SLC45A1: variants seen among roughly 807,000 people sequenced by gnomAD.
SLC45A1 encodes the protein proton-associated sugar transporter A.
Under a neutral mutation model 57.6 loss-of-function variants are expected in SLC45A1, and 28 were observed. That is an observed-to-expected ratio of 0.49 (90% CI 0.36 to 0.67). SLC45A1 has a LOEUF of 0.67. SLC45A1 is among the 30% of genes least tolerant of loss of function. The pLI is 0.00. For missense variants in SLC45A1, 814 were observed against 1,041.5 expected, an observed-to-expected ratio of 0.78 and a Z score of 3.01; for synonymous variants, 459 against 471.5, an observed-to-expected ratio of 0.97 and a Z score of 0.34.
Position 8,340,596 on chromosome 1 carries a change from T to G in SLC45A1, c.1980+898T>G, listed in dbSNP as rs78321099. ...TGACTAGACGTTTCTTGCCCTCTGG[T>G]CTCAGATTTCTCTTGGCTTTTATTC... On this transcript the variant is annotated intron_variant, in intron 8 of 8. Transcript: ENST00000471889. Among the ~76,000 whole-genome samples the G allele has an allele frequency of 3.0e-3, 458 of 152,340 alleles. 4 individuals are homozygous for G. Among genetic ancestry groups the G allele is most frequent in the African/African-American group, 0.011 (441 of 41,588 alleles).
Position 8,330,415 on chromosome 1 carries a change from C to T in SLC45A1, c.922C>T (p.Leu308Phe). The T allele has an allele frequency of 6.2e-7, 1 of 1,611,756 alleles. No individual in the cohort carries two copies. Among genetic ancestry groups the T allele is most frequent in the Non-Finnish European group, 8.5e-7 (1 of 1,179,224 alleles). Residue 308 changes from leucine to phenylalanine, a missense_variant, in exon 5 of 9, where the codon CTC becomes TTC. Coordinates refer to ENST00000471889, the MANE Select transcript of SLC45A1 (RefSeq NM_001080397.3). The surrounding 1 kb of genome is among the most constrained non-coding windows in gnomAD (Gnocchi z 8.4). ...GCGGGCAGCCATGAAGAGCCCCAGC[C>T]TCCCGCTGCCCCCGTCCCCACCCGT... Reference protein sequence around the residue: ...EKRAAMKSPSLPLPPSPPVLP... With the variant: ...EKRAAMKSPSFPLPPSPPVLP...
chr1:8,319,259 G>A (rs1025850046), intron 1 of SLC45A1, among the ~76,000 whole-genome samples: 4 of 152,238 alleles, frequency 2.6e-5, no homozygotes, highest in African/African-American at 9.6e-5. Flanking sequence ...TAGTCTGGGC[G>A]ATAGAGTGAG....
In SLC45A1 at chr1:8,344,145, A is replaced by G; in HGVS notation, c.*132A>G. The G allele has an allele frequency of 2.3e-6, 2 of 867,770 alleles. No homozygotes were observed. The highest frequency in any genetic ancestry group is 3.4e-6 in the Non-Finnish European group (2 of 594,876). The allele number at this position is 867,770 out of a possible 1,614,324, so 53.8% of individuals were successfully genotyped here. On this transcript the variant is annotated 3_prime_UTR_variant, in exon 9 of 9. Coordinates refer to ENST00000471889, the MANE Select transcript of SLC45A1 (RefSeq NM_001080397.3). ...TGGAATGTAAATATGTGATAAAATA[A>G]TAAATGACAGCGGCAAAGCCTATGG...
At position 8,330,422 on chromosome 1, in the gene SLC45A1, T is replaced by A; in HGVS notation, c.929T>A (p.Leu310Gln). 6.2e-7 allele frequency: 1 copy of A among 1,611,536 alleles called. No individual in the cohort carries two copies. The highest frequency in any genetic ancestry group is 1.1e-5 in the South Asian group (1 of 90,988). The change falls in exon 5 of 9, where the codon CTG (leucine) becomes CAG (glutamine). Residue 310 changes from leucine (L) to glutamine (Q), a missense_variant. Transcript: ENST00000471889. This position sits in a 1 kb window ranked among gnomAD's most constrained non-coding sequence, Gnocchi z 8.4. ...RAAMKSPSLP[L>Q]PPSPPVLPEE... Reference sequence around the variant, plus strand: ...GCCATGAAGAGCCCCAGCCTCCCGCTGCCCCCGTCCCCACCCGTCCTGCCA... The same window carrying A: ...GCCATGAAGAGCCCCAGCCTCCCGCAGCCCCCGTCCCCACCCGTCCTGCCA...
chr1:8,329,750 G>A (rs988652139), intron 4 of SLC45A1, among the ~76,000 whole-genome samples: 13 of 152,230 alleles, frequency 8.5e-5, no homozygotes, highest in African/African-American at 3.1e-4. Flanking sequence ...TCACCACAGG[G>A]GGCGGCTCTC....
Position 8,324,509 on chromosome 1 carries a change from A to AAAC in SLC45A1, c.180_181insAAC (p.Pro60_Pro61insAsn). On this transcript the variant is annotated inframe_insertion, in exon 2 of 9. Coordinates refer to ENST00000471889, the MANE Select transcript of SLC45A1 (RefSeq NM_001080397.3). ...GGAGGAAGTGCATTCGTCCCTCCCC[A>AAAC]CCCCCGCCCCCCAACACCCCGTGCC... 1 of 929,570 alleles carries AAAC rather than the reference A, an allele frequency of 1.1e-6. No homozygotes were observed. Among genetic ancestry groups the AAAC allele is most frequent in the Non-Finnish European group, 1.5e-6 (1 of 655,128 alleles). 57.6% of individuals were successfully genotyped at this position (929,570 alleles called of 1,614,324 possible). A position where few individuals can be genotyped will look rare whatever the true frequency, so the allele number is the denominator to read the frequency against.
rs150269149 is a variant in SLC45A1, at chr1:8,330,565, C to G, written c.1072C>G (p.Leu358Val). ...YGSFISRDSS[L>V]TGISEFASSF... is the part of the protein sequence containing the mutation. Reference sequence around the variant, plus strand: ...CAGCTTCATCAGCAGGGACAGCTCCCTGACGGGCATCAGCGAGTTCGCCTC... The same window carrying G: ...CAGCTTCATCAGCAGGGACAGCTCCGTGACGGGCATCAGCGAGTTCGCCTC... The change falls in exon 5 of 9, where the codon CTG (leucine) becomes GTG (valine). Residue 358 changes from leucine to valine, a missense_variant. Physicochemically the swap from Leu to Val is conservative, Grantham distance 32. Transcript: ENST00000471889. This position sits in a 1 kb window ranked among gnomAD's most constrained non-coding sequence, Gnocchi z 8.4. The G allele has an allele frequency of 1.2e-6, 2 of 1,613,440 alleles. No individual in the cohort carries two copies. Among genetic ancestry groups the G allele is most frequent in the Non-Finnish European group, 1.7e-6 (2 of 1,179,996 alleles).
rs745807592 is a variant in SLC45A1, at chr1:8,325,940, T to G, written c.613T>G (p.Phe205Val). 3 of 1,613,696 alleles carry G rather than the reference T, an allele frequency of 1.9e-6. No individual in the cohort carries two copies. The highest frequency in any genetic ancestry group is 2.5e-6 in the Non-Finnish European group (3 of 1,180,032). The change falls in exon 4 of 9, where the codon TTT becomes GTT. Residue 205 changes from phenylalanine (F) to valine (V), a missense_variant. Transcript: ENST00000471889. This position sits in a 1 kb window ranked among gnomAD's most constrained non-coding sequence, Gnocchi z 6.3. Reference sequence around the variant, plus strand: ...CGTGTGCGGTGTGGTGCTGATGGACTTTAGCGCCGACTCGGCGGACAACCC... The same window carrying G: ...CGTGTGCGGTGTGGTGCTGATGGACGTTAGCGCCGACTCGGCGGACAACCC... The part of the protein sequence containing the change: ...LTVCGVVLMD[F>V]SADSADNPSH...
chr1:8,323,159 C>T (rs923482427), intron 1 of SLC45A1, among the ~76,000 whole-genome samples: 2 of 152,236 alleles, frequency 1.3e-5, no homozygotes, highest in South Asian at 4.1e-4. Flanking sequence ...TGAACTTGCT[C>T]TCTCCTTACC....
intron 8 of SLC45A1, among the ~76,000 whole-genome samples, chr1:8,342,444 C>G (rs1012085938): frequency 6.6e-6 from 1 of 152,178 alleles, no homozygotes; most frequent in Admixed American, 6.5e-5. Flanking sequence ...CCCACTCTCC[C>G]AGGCCTAGGT....
In SLC45A1 at chr1:8,335,898, C is replaced by T. The variant is rs1640595457; in HGVS notation, c.1597+308C>T. 6.6e-6 allele frequency among the ~76,000 whole-genome samples: 1 copy of T among 152,212 alleles called. No homozygotes were observed. The highest frequency in any genetic ancestry group is 1.5e-5 in the Non-Finnish European group (1 of 68,042). On this transcript the variant is annotated intron_variant, in intron 6 of 8. Transcript: ENST00000471889. This position sits in a 1 kb window ranked among gnomAD's most constrained non-coding sequence, Gnocchi z 4.1. Reference sequence around the variant, plus strand: ...TCACTACCAGAAGCCCTTTGGACAACTCCACAGTGAAATGATGGACCCACA... The same window carrying T: ...TCACTACCAGAAGCCCTTTGGACAATTCCACAGTGAAATGATGGACCCACA...
At position 8,343,695 on chromosome 1, in the gene SLC45A1, C is replaced by A. The variant is rs368498989; in HGVS notation, c.1981-52C>A. 6.4e-5 allele frequency: 101 copies of A among 1,568,334 alleles called. No homozygotes were observed. Among genetic ancestry groups the A allele is most frequent in the Non-Finnish European group, 8.4e-5 (97 of 1,153,686 alleles). ...TCGCAGGACACACCGAGCTCGGTCACCCCGTGCTGGCCGCGGCGTGTCTCG... is the reference window on the plus strand; with the variant it reads ...TCGCAGGACACACCGAGCTCGGTCAACCCGTGCTGGCCGCGGCGTGTCTCG... On this transcript the variant is annotated intron_variant, in intron 8 of 8. Transcript: ENST00000471889. The surrounding 1 kb of genome is among the most constrained non-coding windows in gnomAD (Gnocchi z 7.7).
chr1:8,330,243 A>G lies in SLC45A1; in HGVS notation c.750A>G (p.Gly250=), dbSNP rs779136241. Reference sequence around the variant, plus strand: ...GAGGCTTTGGATACGTGGTCGGCGGAATCCACTGGGATAAAACGGGCTTCG... The same window carrying G: ...GAGGCTTTGGATACGTGGTCGGCGGGATCCACTGGGATAAAACGGGCTTCG... ...LGGGFGYVVG[G]IHWDKTGFGR... The change falls in exon 5 of 9, where the codon GGA becomes GGG. Residue 250 remains glycine, a synonymous_variant. Coordinates refer to ENST00000471889, the MANE Select transcript of SLC45A1 (RefSeq NM_001080397.3). The surrounding 1 kb of genome is among the most constrained non-coding windows in gnomAD (Gnocchi z 8.4). The G allele has an allele frequency of 1.9e-6, 3 of 1,613,824 alleles. No individual in the cohort carries two copies. Among genetic ancestry groups the G allele is most frequent in the South Asian group, 2.2e-5 (2 of 91,080 alleles).
In SLC45A1 at chr1:8,326,940, A is replaced by G. The variant is rs1640220666; in HGVS notation, c.715+898A>G. ...GGTTGCAGTGAACTGAGATCGCACTATTGCACTCCAGCCTGGGCAACAAGA... is the reference window on the plus strand; with the variant it reads ...GGTTGCAGTGAACTGAGATCGCACTGTTGCACTCCAGCCTGGGCAACAAGA... On this transcript the variant is annotated intron_variant, in intron 4 of 8. Coordinates refer to ENST00000471889, the MANE Select transcript of SLC45A1 (RefSeq NM_001080397.3). The surrounding 1 kb of genome is among the most constrained non-coding windows in gnomAD (Gnocchi z 5.5). Among the ~76,000 whole-genome samples the G allele has an allele frequency of 6.6e-6, 1 of 152,198 alleles. No individual in the cohort carries two copies. The highest frequency in any genetic ancestry group is 2.4e-5 in the African/African-American group (1 of 41,448).
chr1:8,324,582 C>T lies in SLC45A1; in HGVS notation c.253C>T (p.Arg85Trp), dbSNP rs772684015. Residue 85 changes from arginine to tryptophan, a missense_variant, in exon 2 of 9, where the codon CGG becomes TGG. By Grantham distance (101) the Arg-to-Trp change is moderately radical. Transcript: ENST00000471889. ...GGACCTGCACCCCCAGAGGTCCTTC[C>T]GGGAGCTGCTTTTCAACGGCTGCAT... ...FGDLHPQRSF[R>W]ELLFNGCILF... 1.1e-5 allele frequency: 17 copies of T among 1,613,064 alleles called. 1 individual carries two copies. In the Middle Eastern group the frequency reaches 4.9e-4, roughly 47 times the overall value.
At position 8,337,934 on chromosome 1, in the gene SLC45A1, C is replaced by T. The variant is rs780436549; in HGVS notation, c.1716C>T (p.Gly572=). The part of the protein sequence containing the change: ...TSEAYQKYNS[G]VTMGCWGMCI... Reference sequence around the variant, plus strand: ...AGGCGTATCAGAAGTACAACAGCGGCGTGACCATGGGCTGCTGGGGCATGT... The same window carrying T: ...AGGCGTATCAGAAGTACAACAGCGGTGTGACCATGGGCTGCTGGGGCATGT... The change falls in exon 7 of 9, where the codon GGC becomes GGT. Residue 572 remains glycine (G), a synonymous_variant. Transcript: ENST00000471889. 1.7e-5 allele frequency: 28 copies of T among 1,614,016 alleles called. No individual in the cohort carries two copies. Among genetic ancestry groups the T allele is most frequent in the Middle Eastern group, 3.3e-4 (2 of 6,082 alleles).
Position 8,335,995 on chromosome 1 carries a change from G to A in SLC45A1, c.1597+405G>A, listed in dbSNP as rs111780214. The A allele has an allele frequency of 8.0e-3, 1,550 of 193,724 alleles. 15 individuals are homozygous for A. Among genetic ancestry groups the A allele is most frequent in the African/African-American group, 0.034 (1,459 of 43,144 alleles). The allele number at this position is 193,724 out of a possible 1,614,324, so 12.0% of individuals were successfully genotyped here. A position where few individuals can be genotyped will look rare whatever the true frequency, so the allele number is the denominator to read the frequency against. ...GCACAGACCCCACACCTGCCTGCCC[G>A]TGTCTATTGCTGTTTGTAAATTCAC... On this transcript the variant is annotated intron_variant, in intron 6 of 8. Transcript: ENST00000471889. This position sits in a 1 kb window ranked among gnomAD's most constrained non-coding sequence, Gnocchi z 4.1.
chr1:8,339,821 C>T, intron 8 of SLC45A1, 123 bp downstream of exon 8: 1 of 952,184 alleles, frequency 1.1e-6, no homozygotes, highest in Non-Finnish European at 1.7e-6. Context: ...ACAGCGACCA[C>T]AGAGCATGAA....
In SLC45A1 at chr1:8,337,931, C is replaced by T. The variant is rs746057091; in HGVS notation, c.1713C>T (p.Ser571=). 61 of 1,614,084 alleles carry T rather than the reference C, an allele frequency of 3.8e-5. No homozygotes were observed. The highest frequency in any genetic ancestry group is 1.3e-4 in the South Asian group (12 of 91,094). ...HTSEAYQKYN[S]GVTMGCWGMC... is the part of the protein sequence containing the mutation. ...CAGAGGCGTATCAGAAGTACAACAG[C>T]GGCGTGACCATGGGCTGCTGGGGCA... The change falls in exon 7 of 9, where the codon AGC becomes AGT. Residue 571 remains serine, a synonymous_variant. Coordinates refer to ENST00000471889, the MANE Select transcript of SLC45A1 (RefSeq NM_001080397.3).
Sources: gnomAD v4.1 joint callset for allele counts (sites outside exome capture counted in the v4.1 genomes callset) on GRCh38, gnomAD v4.1.1 for gene constraint, Gnocchi (gnomAD v3.1) non-coding constraint, MANE v1.5 for transcripts, NCBI Gene and HGNC (gene_info 2026-07-23, HGNC 2026-07-21) for gene names.